Variants in SLC24A3 observed in about 807,000 individuals in gnomAD.
SLC24A3 encodes sodium/potassium/calcium exchanger 3.
SLC24A3 carries 28 observed loss-of-function variants against 75.8 expected under a neutral mutation model. The observed-to-expected ratio is 0.37, with a 90% confidence interval of 0.27 to 0.51. The LOEUF (loss-of-function observed/expected upper bound fraction) is 0.51, where lower values mean the gene tolerates loss of function less well. Among genes scored for constraint, SLC24A3 ranks in the 20% least tolerant of loss-of-function variants. The probability of loss-of-function intolerance (pLI) is 0.94; values close to 1 mark genes in which losing one functional copy is unlikely to be tolerated. For missense variants in SLC24A3, 663 were observed against 847.8 expected, an observed-to-expected ratio of 0.78 and a Z score of 2.71; for synonymous variants, 372 against 334.1, an observed-to-expected ratio of 1.11 and a Z score of -1.24.
chr20:19,509,645 C>G (rs897500015), intron 2 of SLC24A3, among the ~76,000 whole-genome samples: 7 of 152,252 alleles, frequency 4.6e-5, no homozygotes, highest in African/African-American at 1.7e-4. Flanking sequence ...TGTTGCAGCT[C>G]TTTTCTTGAA....
At chr20:19,445,103 C>A (rs958211726) in intron 2 of SLC24A3, among the ~76,000 whole-genome samples, 1 of 152,128 alleles carries the variant, frequency 6.6e-6, no homozygotes, top group Non-Finnish European at 1.5e-5. Context: ...TTTTTCATGA[C>A]CTTATATCTG....
At chr20:19,349,576 G>C (rs544007465) in intron 2 of SLC24A3, among the ~76,000 whole-genome samples, 1 of 152,182 alleles carries the variant, frequency 6.6e-6, no homozygotes, top group Non-Finnish European at 1.5e-5. Context: ...ATGAGTCAGT[G>C]TGTAAATATC....
chr20:19,273,204 G>C (rs1568574833), intron 1 of SLC24A3, among the ~76,000 whole-genome samples: 1 of 152,224 alleles, frequency 6.6e-6, no homozygotes, highest in Non-Finnish European at 1.5e-5. Flanking sequence ...ACCTAGGCCA[G>C]TGTGGGCGAG....
intron 2 of SLC24A3, among the ~76,000 whole-genome samples, chr20:19,330,379 C>T (rs1984972039): frequency 6.6e-6 from 1 of 152,136 alleles, no homozygotes; most frequent in South Asian, 2.1e-4. Context: ...GCTTATTTCC[C>T]CATTAAAGGG....
intron 1 of SLC24A3, among the ~76,000 whole-genome samples, chr20:19,278,819 G>A (rs1028953915): frequency 2.0e-5 from 3 of 152,200 alleles, no homozygotes; most frequent in Admixed American, 6.5e-5. Context: ...TGCATAAACT[G>A]TAATTTGATA....
chr20:19,624,445 A>G (rs1440849492), intron 6 of SLC24A3, among the ~76,000 whole-genome samples: 1 of 152,246 alleles, frequency 6.6e-6, no homozygotes, highest in African/African-American at 2.4e-5. Flanking sequence ...TCTCAGTTGC[A>G]CACAAGAACG....
At chr20:19,621,207 T>A (rs1356568343) in intron 6 of SLC24A3, among the ~76,000 whole-genome samples, 1 of 152,224 alleles carries the variant, frequency 6.6e-6, no homozygotes, top group African/African-American at 2.4e-5. Context: ...CATCTGTGCC[T>A]TCCTCTTTGT....
chr20:19,492,468 C>A (rs1339214577), intron 2 of SLC24A3, among the ~76,000 whole-genome samples: 1 of 152,218 alleles, frequency 6.6e-6, no homozygotes, highest in East Asian at 1.9e-4. Context: ...GCCCACCACA[C>A]CTGCTCAGTC....
chr20:19,334,778 G>A (rs1487647157), intron 2 of SLC24A3, among the ~76,000 whole-genome samples: 1 of 152,158 alleles, frequency 6.6e-6, no homozygotes, highest in Non-Finnish European at 1.5e-5. Context: ...CATGGACGCT[G>A]GGGGGCTCAT....
chr20:19,621,267 CA>C (rs2031800726), intron 6 of SLC24A3, among the ~76,000 whole-genome samples: 1 of 152,164 alleles, frequency 6.6e-6, no homozygotes, highest in African/African-American at 2.4e-5. Context: ...CTGACATTAT[CA>C]AACCAATGAC....
intron 6 of SLC24A3, among the ~76,000 whole-genome samples, chr20:19,639,631 C>T (rs1174927194): frequency 6.6e-6 from 1 of 152,250 alleles, no homozygotes. Context: ...TGTGCAGCCG[C>T]ACTCCTCAGC....
intron 6 of SLC24A3, among the ~76,000 whole-genome samples, chr20:19,639,654 G>T (rs555663525): frequency 2.4e-4 from 37 of 152,348 alleles, no homozygotes; most frequent in African/African-American, 8.4e-4. Context: ...TTGGGTGGTC[G>T]ATGGGACTGG....
intron 2 of SLC24A3, among the ~76,000 whole-genome samples, chr20:19,453,228 G>C (rs117833372): frequency 0.015 from 2,219 of 152,158 alleles, 23 homozygotes; most frequent in Non-Finnish European, 0.016. Context: ...GTACAGGCCT[G>C]TACTCCAGCT....
At chr20:19,527,618 A>G (rs1268893636) in intron 3 of SLC24A3, among the ~76,000 whole-genome samples, 2 of 152,332 alleles carry the variant, frequency 1.3e-5, no homozygotes, top group Admixed American at 6.5e-5. Flanking sequence ...CTCTTATGCC[A>G]GTGGCATGCC....
intron 2 of SLC24A3, among the ~76,000 whole-genome samples, chr20:19,331,487 TATAG>T (rs998232072): frequency 1.3e-5 from 2 of 152,088 alleles, no homozygotes; most frequent in African/African-American, 4.8e-5. Flanking sequence ...ATAGAAATGA[TATAG>T]ATAGATAAAC....
chr20:19,453,609 C>G (rs571505463), intron 2 of SLC24A3, among the ~76,000 whole-genome samples: 1 of 152,256 alleles, frequency 6.6e-6, no homozygotes, highest in African/African-American at 2.4e-5. Context: ...GCCGATGGAG[C>G]CTGGAGACAG....
intron 3 of SLC24A3, among the ~76,000 whole-genome samples, chr20:19,579,412 T>C (rs548686306): frequency 6.6e-6 from 1 of 152,304 alleles, no homozygotes; most frequent in Admixed American, 6.5e-5. Context: ...CAGTTGGAAG[T>C]GTTCATTTAT....
rs900360160 is a variant in SLC24A3 at position 19,512,000 on chromosome 20, C to T, written c.272-3488C>T. On this transcript the variant is annotated intron_variant, in intron 2 of 16. Coordinates refer to ENST00000328041, the MANE Select transcript of SLC24A3 (RefSeq NM_020689.4). ...CCCTGGAGCTCCCACATTCTACCCACATTCAACTCGGTGAGGAGGCCCACA... is the reference window on the plus strand; with the variant it reads ...CCCTGGAGCTCCCACATTCTACCCATATTCAACTCGGTGAGGAGGCCCACA... Among the ~76,000 whole-genome samples, 4 of 152,244 alleles carry T rather than the reference C, an allele frequency of 2.6e-5. No homozygotes were observed. In the East Asian group the frequency reaches 7.7e-4, roughly 29 times the overall value.
intron 6 of SLC24A3, among the ~76,000 whole-genome samples, chr20:19,588,390 C>T (rs907595660): frequency 2.0e-5 from 3 of 152,214 alleles, no homozygotes; most frequent in East Asian, 1.9e-4. Flanking sequence ...GAGGGTTGCA[C>T]ATGACCAAGT....
Sources: gnomAD v4.1 joint callset for allele counts (sites outside exome capture counted in the v4.1 genomes callset) on GRCh38, gnomAD v4.1.1 for gene constraint, MANE v1.5 for transcripts, NCBI Gene and HGNC (gene_info 2026-07-23, HGNC 2026-07-21) for gene names.